Variants in NLRP1 observed in about 807,000 individuals in gnomAD.
The protein encoded by NLRP1 is NLR family pyrin domain containing 1.
Under a neutral mutation model 136.7 loss-of-function variants are expected in NLRP1, and 94 were observed. The observed-to-expected ratio is 0.69, with a 90% CI of 0.58 to 0.82. NLRP1 has a LOEUF of 0.82. NLRP1 is among the 40% of genes least tolerant of loss of function. The probability of loss-of-function intolerance (pLI) is 0.00; values close to 1 mark genes in which losing one functional copy is unlikely to be tolerated. For synonymous variants in NLRP1, 690 were observed against 725.1 expected, an observed-to-expected ratio of 0.95 and a Z score of 0.78; for missense variants, 1,575 against 1,802.7, an observed-to-expected ratio of 0.87 and a Z score of 2.29.
At chr17:5,538,819 T>A (rs1911447036) in intron 7 of NLRP1, among the ~76,000 whole-genome samples, 1 of 152,182 alleles carries the variant, frequency 6.6e-6, no homozygotes, top group African/African-American at 2.4e-5. Context: ...CAGTAATAGT[T>A]ATCATTTGAT....
intron 3 of NLRP1, among the ~76,000 whole-genome samples, chr17:5,567,215 C>T (rs1915432989): frequency 6.6e-6 from 1 of 151,730 alleles, no homozygotes; most frequent in African/African-American, 2.4e-5. Flanking sequence ...TATTTGTTTT[C>T]TGCTTGTTTT....
rs1418728039 is a variant in NLRP1 at position 5,515,469 on chromosome 17, T to C, written c.4102+4A>G. 1 of 1,612,344 alleles carries C rather than the reference T, an allele frequency of 6.2e-7. No individual in the cohort carries two copies. The highest frequency in any genetic ancestry group is 8.5e-7 in the Non-Finnish European group (1 of 1,178,440). ...TCCTGTGGTCTCTGAGAGCTGTTAC[T>C]GACCTATGCGGGCTGGAGGGATCAG... On this transcript the variant is annotated splice_donor_region_variant and intron_variant, in intron 16 of 16. Transcript: ENST00000572272.
chr17:5,506,786 C>T lies in NLRP1; in HGVS notation c.4070-4914G>A, dbSNP rs28527280. 5.0e-3 allele frequency among the ~76,000 whole-genome samples: 748 copies of T among 151,026 alleles called. 2 individuals are homozygous for T. The highest frequency in any genetic ancestry group is 0.01 in the Middle Eastern group (3 of 292). On this transcript the variant is annotated intron_variant, in intron 15 of 15. Coordinates refer to the NLRP1 transcript ENST00000262467. ...GCATGATGGTCGACACCTGTAATCC[C>T]AGCTACTTGGGAGGCTGAGGCAGGA... is the stretch of plus-strand genomic sequence containing the variant.
intron 13 of NLRP1, 116 bp from the exon 14 acceptor site, chr17:5,521,128 C>A: frequency 9.8e-7 from 1 of 1,020,456 alleles, no homozygotes. Flanking sequence ...TATATCACCC[C>A]TGCCTCCCTC....
chr17:5,545,431 G>A (rs1449307881), intron 5 of NLRP1, among the ~76,000 whole-genome samples: 1 of 139,208 alleles, frequency 7.2e-6, no homozygotes, highest in East Asian at 2.0e-4. Flanking sequence ...GACATACACA[G>A]AGACACACAC....
chr17:5,568,884 T>C (rs1915592463), intron 3 of NLRP1, among the ~76,000 whole-genome samples: 2 of 152,168 alleles, frequency 1.3e-5, no homozygotes, highest in Non-Finnish European at 1.5e-5. Flanking sequence ...CTTTCCTTAC[T>C]TTCTGCCAAA....
At chr17:5,567,840 G>A (rs574610410) in intron 3 of NLRP1, among the ~76,000 whole-genome samples, 1 of 152,122 alleles carries the variant, frequency 6.6e-6, no homozygotes, top group South Asian at 2.1e-4. Flanking sequence ...ATACTATTTA[G>A]GGTAAAAGTT....
intron 4 of NLRP1, among the ~76,000 whole-genome samples, chr17:5,555,012 T>G (rs1177230463): frequency 8.9e-6 from 1 of 112,802 alleles, no homozygotes; most frequent in Non-Finnish European, 1.7e-5. Flanking sequence ...CACAGTGAGA[T>G]CCCATCACAC....
chr17:5,553,302 G>T, intron 5 of NLRP1, 84 bp downstream of exon 5: 1 of 1,277,408 alleles, frequency 7.8e-7, no homozygotes, highest in Non-Finnish European at 1.1e-6. Flanking sequence ...TAAATACAAA[G>T]ACAAATCCCT....
intron 14 of NLRP1, among the ~76,000 whole-genome samples, 194 bp downstream of exon 14, chr17:5,520,687 C>A (rs1908780693): frequency 6.6e-6 from 1 of 152,236 alleles, no homozygotes; most frequent in Non-Finnish European, 1.5e-5. Context: ...TCACATCCTG[C>A]ATGTGATCCT....
At chr17:5,571,622 A>T (rs1351357849) in intron 3 of NLRP1, among the ~76,000 whole-genome samples, 2 of 152,364 alleles carry the variant, frequency 1.3e-5, no homozygotes, top group East Asian at 3.9e-4. Context: ...AATGGAAAAC[A>T]TTCCATGCTC....
rs1914541661 is a variant in NLRP1, at chr17:5,559,984, C to A, written c.712G>T (p.Val238Leu). 1 of 1,606,220 alleles carries A rather than the reference C, an allele frequency of 6.2e-7. No individual in the cohort carries two copies. Among genetic ancestry groups the A allele is most frequent in the Non-Finnish European group, 8.5e-7 (1 of 1,176,630 alleles). ...GTGTGCGCCTGTGGGGGCGTTCCTA[C>A]CACCGCTGCCCATGGGGGCCTGCCT... ...EKGRPPWAAV[V>L]GTPPQAHTSL... Residue 238 changes from valine (V) to leucine (L), a missense_variant, in exon 4 of 17, where the codon GTA becomes TTA. Transcript: ENST00000572272.
intron 7 of NLRP1, among the ~76,000 whole-genome samples, chr17:5,538,217 T>C (rs995738072): frequency 1.1e-4 from 16 of 152,176 alleles, no homozygotes; most frequent in East Asian, 9.7e-4. Flanking sequence ...ACTCATGGGC[T>C]TGCTCCCAGG....
In NLRP1 at chr17:5,522,860, G is replaced by C. The variant is rs77856305; in HGVS notation, c.3521-1074C>G. On this transcript the variant is annotated intron_variant, in intron 12 of 16. Transcript: ENST00000572272. ...AGGTAGAGAACAAGGAGGAGGAAGG[G>C]GCAGTAGGAACATAGAGTGACCAAG... 6.6e-3 allele frequency among the ~76,000 whole-genome samples: 1,011 copies of C among 152,250 alleles called. 10 individuals are homozygous for C. The highest frequency in any genetic ancestry group is 0.023 in the African/African-American group (973 of 41,536).
chr17:5,501,978 A>G (rs1017407616), intron 15 of NLRP1: 29 of 978,504 alleles, frequency 3.0e-5, no homozygotes, highest in Non-Finnish European at 4.9e-6. Context: ...TCAAACTGCC[A>G]TCAGAGAACT....
chr17:5,552,528 A>G lies in NLRP1; in HGVS notation c.2528+858T>C, dbSNP rs576106341. Reference sequence around the variant, plus strand: ...CACACTCATGACATTCCACCCCCCAATCACTTTTCTTTTAGTATTCCCCAT... The same window carrying G: ...CACACTCATGACATTCCACCCCCCAGTCACTTTTCTTTTAGTATTCCCCAT... On this transcript the variant is annotated intron_variant, in intron 5 of 16. Transcript: ENST00000572272. Among the ~76,000 whole-genome samples the G allele has an allele frequency of 1.3e-3, 202 of 152,162 alleles. 1 individual carries two copies. The highest frequency in any genetic ancestry group is 4.3e-3 in the African/African-American group (180 of 41,510).
At chr17:5,546,615 T>C (rs1912692560) in intron 5 of NLRP1, among the ~76,000 whole-genome samples, 1 of 152,166 alleles carries the variant, frequency 6.6e-6, no homozygotes, top group Non-Finnish European at 1.5e-5. Flanking sequence ...ATTCAATGCA[T>C]TTCAAGATAA....
At chr17:5,574,570 A>G (rs1904809472) in intron 3 of NLRP1, among the ~76,000 whole-genome samples, 1 of 152,114 alleles carries the variant, frequency 6.6e-6, no homozygotes. Context: ...AGGTCGGGTT[A>G]CCCACAAAGG....
intron 8 of NLRP1, among the ~76,000 whole-genome samples, chr17:5,535,262 T>C (rs923081439): frequency 6.6e-6 from 1 of 151,670 alleles, no homozygotes; most frequent in African/African-American, 2.4e-5. Flanking sequence ...ACCCCAGAGA[T>C]TCTGATTCAG....
Sources: gnomAD v4.1 joint callset for allele counts (sites outside exome capture counted in the v4.1 genomes callset) on GRCh38, gnomAD v4.1.1 for gene constraint, MANE v1.5 for transcripts, NCBI Gene and HGNC (gene_info 2026-07-23, HGNC 2026-07-21) for gene names.